CDADC1: variants seen among roughly 807,000 people sequenced by gnomAD.
CDADC1 encodes dCTP deaminase.
A neutral mutation model predicts 54.9 loss-of-function variants in CDADC1; 39 were observed. That is an observed-to-expected ratio of 0.71 (90% CI 0.55 to 0.93). CDADC1 has a LOEUF of 0.93. Among genes scored for constraint, CDADC1 ranks in the 40% least tolerant of loss-of-function variants. The pLI, the probability that CDADC1 is intolerant of heterozygous loss-of-function variation, is 0.00. For synonymous variants in CDADC1, 186 were observed against 204.0 expected, an observed-to-expected ratio of 0.91 and a Z score of 0.75; for missense variants, 518 against 618.8, an observed-to-expected ratio of 0.84 and a Z score of 1.73.
intron 4 of CDADC1, among the ~76,000 whole-genome samples, chr13:49,266,660 A>G (rs1952823340): frequency 6.6e-6 from 1 of 152,114 alleles, no homozygotes; most frequent in African/African-American, 2.4e-5. Flanking sequence ...TAATTCAACC[A>G]TTCCCCTATT....
At chr13:49,282,236 G>GTTTTTTT (rs759792512) in intron 8 of CDADC1, among the ~76,000 whole-genome samples, 5 of 94,132 alleles carry the variant, frequency 5.3e-5, no homozygotes, top group African/African-American at 2.1e-4. Context: ...GTTTTTGTGG[G>GTTTTTTT]TTTTTTTTTT....
At chr13:49,263,087 A>G (rs1952723653) in intron 4 of CDADC1, among the ~76,000 whole-genome samples, 1 of 152,168 alleles carries the variant, frequency 6.6e-6, no homozygotes, top group African/African-American at 2.4e-5. Context: ...CATGTATGTG[A>G]TTGTTTGAGT....
chr13:49,278,792 G>A (rs577646825), intron 7 of CDADC1, among the ~76,000 whole-genome samples: 43 of 152,106 alleles, frequency 2.8e-4, no homozygotes, highest in African/African-American at 8.9e-4. Flanking sequence ...TTATCCTTTG[G>A]GATCTTGCTC....
chr13:49,266,826 T>C (rs567768236), intron 4 of CDADC1, among the ~76,000 whole-genome samples: 1 of 152,308 alleles, frequency 6.6e-6, no homozygotes, highest in South Asian at 2.1e-4. Context: ...TCTCAGTCTG[T>C]GGAGAGGAAC....
intron 1 of CDADC1, 69 bp from the exon 2 acceptor site, chr13:49,248,802 G>T: frequency 1.0e-6 from 1 of 954,244 alleles, no homozygotes; most frequent in South Asian, 1.3e-5. Flanking sequence ...GCACCTAAGT[G>T]GCATTGAGAT....
intron 2 of CDADC1, among the ~76,000 whole-genome samples, chr13:49,251,111 G>A (rs1464775208): frequency 3.9e-5 from 6 of 152,004 alleles, no homozygotes; most frequent in Non-Finnish European, 5.9e-5. Context: ...CAAATATTTA[G>A]AGGTTTAAGA....
chr13:49,292,337 A>C lies in CDADC1; in HGVS notation c.*580A>C, dbSNP rs563982490. ...TTTAAAGTATATTTTGTAAATGTTA[A>C]TTCTGTGGTCCTGTTTATCACAGAC... On this transcript the variant is annotated 3_prime_UTR_variant, in exon 10 of 10. Transcript: ENST00000251108. 141 of 986,560 alleles carry C rather than the reference A, an allele frequency of 1.4e-4. No homozygotes were observed. The highest frequency in any genetic ancestry group is 1.6e-4 in the Non-Finnish European group (130 of 829,198). 61.1% of individuals were successfully genotyped at this position (986,560 alleles called of 1,614,324 possible). A position where few individuals can be genotyped will look rare whatever the true frequency, so the allele number is the denominator to read the frequency against.
intron 3 of CDADC1, among the ~76,000 whole-genome samples, chr13:49,257,484 G>A (rs534696360): frequency 1.1e-4 from 16 of 152,100 alleles, no homozygotes; most frequent in Admixed American, 2.0e-4. Context: ...AAGATGATAC[G>A]TATTGGCCGG....
intron 3 of CDADC1, among the ~76,000 whole-genome samples, chr13:49,257,624 GC>G (rs767681687): frequency 2.0e-4 from 31 of 152,126 alleles, no homozygotes; most frequent in Non-Finnish European, 4.6e-4. Flanking sequence ...CAAAAAATTA[GC>G]CGGGCGTGGT....
chr13:49,248,834 G>C, intron 1 of CDADC1, 37 bp from the exon 2 acceptor site: 1 of 1,328,340 alleles, frequency 7.5e-7, no homozygotes, highest in South Asian at 1.2e-5. Context: ...TTCACCATTA[G>C]TAACAAAGTT....
chr13:49,289,838 A>T (rs1484053096), intron 9 of CDADC1, among the ~76,000 whole-genome samples: 8 of 152,158 alleles, frequency 5.3e-5, no homozygotes, highest in Non-Finnish European at 8.8e-5. Context: ...TGAGCCCAGG[A>T]GTTCAAGACC....
chr13:49,287,972 T>TA (rs779068056), intron 9 of CDADC1, among the ~76,000 whole-genome samples: 4,650 of 127,130 alleles, frequency 0.037, 101 homozygotes, highest in African/African-American at 0.065. Flanking sequence ...GACCCTGCCT[T>TA]AAAAAAAAAA....
At chr13:49,274,908 A>G (rs934745292) in intron 6 of CDADC1, among the ~76,000 whole-genome samples, 2 of 152,172 alleles carry the variant, frequency 1.3e-5, no homozygotes, top group African/African-American at 4.8e-5. Flanking sequence ...TGTAAGTGTA[A>G]TTATAACTGA....
chr13:49,277,730 GAAAT>G (rs1566371773), intron 6 of CDADC1, among the ~76,000 whole-genome samples: 1 of 151,972 alleles, frequency 6.6e-6, no homozygotes, highest in Admixed American at 6.6e-5. Flanking sequence ...CTTTAAAAGA[GAAAT>G]AAGAGCCATT....
intron 4 of CDADC1, among the ~76,000 whole-genome samples, 181 bp downstream of exon 4, chr13:49,259,704 A>G (rs1191171698): frequency 6.6e-6 from 1 of 152,048 alleles, no homozygotes; most frequent in East Asian, 1.9e-4. Flanking sequence ...TAAGTTAGCT[A>G]GGCATGGTGA....
chr13:49,264,555 C>CAAA lies in CDADC1; in HGVS notation c.431-2918_431-2916dup, dbSNP rs140774111. Among the ~76,000 whole-genome samples, 50 of 103,812 alleles carry CAAA rather than the reference C, an allele frequency of 4.8e-4. 1 individual carries two copies. Among genetic ancestry groups the CAAA allele is most frequent in the South Asian group, 1.4e-3 (4 of 2,810 alleles). The allele number at this position is 103,812 out of a possible 152,430, so 68.1% of individuals were successfully genotyped here. A position where few individuals can be genotyped will look rare whatever the true frequency, so the allele number is the denominator to read the frequency against. Reference sequence around the variant, plus strand: ...CAACATAGCGAGACCCCATCTCTACCAAAAAAAAAAAAAAAAAAAGAGCTG... The same window carrying CAAA: ...CAACATAGCGAGACCCCATCTCTACCAAAAAAAAAAAAAAAAAAAAAAGAGCTG... On this transcript the variant is annotated intron_variant, in intron 4 of 9. Coordinates refer to ENST00000251108, the MANE Select transcript of CDADC1 (RefSeq NM_030911.4).
intron 8 of CDADC1, among the ~76,000 whole-genome samples, chr13:49,281,023 G>A (rs1953315442): frequency 6.6e-6 from 1 of 151,702 alleles, no homozygotes; most frequent in African/African-American, 2.4e-5. Flanking sequence ...TAGTAGAGAC[G>A]GGGTTTCGCC....
At chr13:49,249,016 C>T (rs1467715620) in intron 2 of CDADC1, 51 bp downstream of exon 2, 1 of 1,171,250 alleles carries the variant, frequency 8.5e-7, no homozygotes, top group East Asian at 2.3e-5. Context: ...GGTTTAAAAT[C>T]TGAGTTTATT....
chr13:49,287,965 C>G (rs767320227), intron 9 of CDADC1, among the ~76,000 whole-genome samples: 7 of 147,728 alleles, frequency 4.7e-5, no homozygotes, highest in Non-Finnish European at 7.4e-5. Context: ...AGAGTGAGAC[C>G]CTGCCTTAAA....
Sources: gnomAD v4.1 joint callset for allele counts (sites outside exome capture counted in the v4.1 genomes callset) on GRCh38, gnomAD v4.1.1 for gene constraint, MANE v1.5 for transcripts, NCBI Gene and HGNC (gene_info 2026-07-23, HGNC 2026-07-21) for gene names.